LRRC8C: variants seen among roughly 807,000 people sequenced by gnomAD.
LRRC8C encodes volume-regulated anion channel subunit LRRC8C.
A neutral mutation model predicts 55.3 loss-of-function variants in LRRC8C; 20 were observed. The ratio of observed to expected loss-of-function variants is 0.36; its 90% CI spans 0.25 to 0.53. The LOEUF (loss-of-function observed/expected upper bound fraction) is 0.53, where lower values mean the gene tolerates loss of function less well. Among genes scored for constraint, LRRC8C ranks in the 20% least tolerant of loss-of-function variants. The pLI is 0.92. For missense variants in LRRC8C, 659 were observed against 951.4 expected (o/e 0.69, Z 4.04); for synonymous variants, 376 against 360.7 (o/e 1.04, Z -0.48).
At position 89,714,891 on chromosome 1, in the gene LRRC8C, G is replaced by T. The variant is rs1481358532; in HGVS notation, c.2321G>T (p.Cys774Phe). The stretch of plus-strand genomic sequence containing the variant: ...ATCCTCCCTCCTGAACTGGGTGACT[G>T]TCGGGCTCTGAAGCGAGCTGGTTTA... The part of the protein sequence containing the change: ...FEILPPELGD[C>F]RALKRAGLVV... The change falls in exon 3 of 3, where the codon TGT (cysteine) becomes TTT (phenylalanine). Residue 774 changes from cysteine to phenylalanine, a missense_variant. This residue lies in a region of LRRC8C where 344 missense variants were observed against 464.6 expected (regional missense o/e 0.74). Transcript: ENST00000370454. The surrounding 1 kb of genome is among the most constrained non-coding windows in gnomAD (Gnocchi z 4.6). The T allele has an allele frequency of 6.2e-7, 1 of 1,614,000 alleles. No individual in the cohort carries two copies.
At position 89,662,228 on chromosome 1, in the gene LRRC8C, C is replaced by T. The variant is rs140003014; in HGVS notation, c.-4-24242C>T. On this transcript the variant is annotated intron_variant, in intron 1 of 2. Coordinates refer to ENST00000370454, the MANE Select transcript of LRRC8C (RefSeq NM_032270.5). ...AATTTCTGTTGGGTCATATTCAAAGCCATCCTGGGCCACAAGTGGTCTGCA... is the reference window on the plus strand; with the variant it reads ...AATTTCTGTTGGGTCATATTCAAAGTCATCCTGGGCCACAAGTGGTCTGCA... Among the ~76,000 whole-genome samples the T allele has an allele frequency of 2.0e-5, 3 of 152,302 alleles. No homozygotes were observed. In the East Asian group the frequency reaches 5.8e-4, roughly 29 times the overall value.
Position 89,714,093 on chromosome 1 carries a change from C to G in LRRC8C, c.1523C>G (p.Pro508Arg), listed in dbSNP as rs140914343. 13 of 1,613,952 alleles carry G rather than the reference C, an allele frequency of 8.1e-6. No homozygotes were observed. Among genetic ancestry groups the G allele is most frequent in the Admixed American group, 3.3e-5 (2 of 59,984 alleles). The stretch of plus-strand genomic sequence containing the variant: ...TTTGATGACATGAGGGAACTCCCCC[C>G]CTGGATGTATGGGCTCCGAAATCTG... ...VKFDDMRELP[P>R]WMYGLRNLEE... Residue 508 changes from proline (P) to arginine (R), a missense_variant, in exon 3 of 3, where the codon CCC (proline) becomes CGC (arginine). Pro to Arg is a moderately radical substitution (Grantham distance 103, BLOSUM62 -2). Transcript: ENST00000370454. The surrounding 1 kb of genome is among the most constrained non-coding windows in gnomAD (Gnocchi z 4.6).
Position 89,714,000 on chromosome 1 carries a change from G to A in LRRC8C, c.1430G>A (p.Cys477Tyr). The change falls in exon 3 of 3, where the codon TGT becomes TAT. Residue 477 changes from cysteine to tyrosine, a missense_variant. Cys to Tyr is a radical substitution (Grantham distance 194). Transcript: ENST00000370454. The surrounding 1 kb of genome is among the most constrained non-coding windows in gnomAD (Gnocchi z 5.2). Reference protein sequence around the residue: ...DNLQELSLHQCSVKIHSAALS... With the variant: ...DNLQELSLHQYSVKIHSAALS... The stretch of plus-strand genomic sequence containing the variant: ...CTTCAAGAGCTCTCTCTGCACCAGT[G>A]TTCTGTCAAAATCCACAGTGCGGCG... The A allele has an allele frequency of 6.2e-7, 1 of 1,613,280 alleles. No individual in the cohort carries two copies. Among genetic ancestry groups the A allele is most frequent in the Non-Finnish European group, 8.5e-7 (1 of 1,180,010 alleles).
At chr1:89,619,024 T>G in the LRRC8C span, among the ~76,000 whole-genome samples, 1 of 152,354 alleles carries the variant, frequency 6.6e-6, no homozygotes, top group Admixed American at 6.5e-5. Flanking sequence ...ATCACAAATT[T>G]ATGAGGGATT....
the LRRC8C span, among the ~76,000 whole-genome samples, chr1:89,617,367 T>C: frequency 1.3e-5 from 2 of 152,222 alleles, no homozygotes; most frequent in Non-Finnish European, 2.9e-5. Context: ...CCTAAGCTAG[T>C]CAAAACTATG....
At chr1:89,655,135 T>C (rs1343209085) in intron 1 of LRRC8C, among the ~76,000 whole-genome samples, 2 of 152,168 alleles carry the variant, frequency 1.3e-5, no homozygotes, top group Non-Finnish European at 2.9e-5. Flanking sequence ...TATTCAAACA[T>C]TGAATCTGGT....
chr1:89,645,385 T>A, intron 1 of LRRC8C, among the ~76,000 whole-genome samples: 1 of 150,104 alleles, frequency 6.7e-6, no homozygotes, highest in African/African-American at 2.4e-5. Flanking sequence ...TGTGGGAAAA[T>A]GTCAAGATAA....
At chr1:89,706,591 T>A (rs1474333521) in intron 2 of LRRC8C, among the ~76,000 whole-genome samples, 1 of 152,154 alleles carries the variant, frequency 6.6e-6, no homozygotes, top group Non-Finnish European at 1.5e-5. Flanking sequence ...ACGTTGACCA[T>A]TCAAGGTATT....
At chr1:89,631,842 G>T (rs1446861329), upstream of LRRC8C, 1 of 152,214 alleles carries the variant, frequency 6.6e-6, no homozygotes, top group African/African-American at 2.4e-5. Context: ...TTTGCTGAGT[G>T]AGCAGGGGGA....
intron 1 of LRRC8C, among the ~76,000 whole-genome samples, chr1:89,666,209 AT>A (rs1657258400): frequency 6.6e-6 from 1 of 152,128 alleles, no homozygotes; most frequent in Non-Finnish European, 1.5e-5. Flanking sequence ...AAACATGTAC[AT>A]TCCCTTCTTG....
chr1:89,696,357 G>A (rs192568940), intron 2 of LRRC8C, among the ~76,000 whole-genome samples: 23 of 152,136 alleles, frequency 1.5e-4, no homozygotes, highest in Admixed American at 1.2e-3. Flanking sequence ...CAAAAAAAGT[G>A]GGGGTGTGGT....
At chr1:89,680,803 C>T (rs1011523315) in intron 1 of LRRC8C, among the ~76,000 whole-genome samples, 1 of 151,938 alleles carries the variant, frequency 6.6e-6, no homozygotes, top group Non-Finnish European at 1.5e-5. Flanking sequence ...TCAAGTGATC[C>T]ACCCACCTCG....
At chr1:89,647,845 T>C (rs1003803759) in intron 1 of LRRC8C, among the ~76,000 whole-genome samples, 1 of 152,164 alleles carries the variant, frequency 6.6e-6, no homozygotes, top group African/African-American at 2.4e-5. Context: ...GGAGGATCAC[T>C]TGAGCGCAGG....
chr1:89,651,442 CCTCTA>C (rs1269441737), intron 1 of LRRC8C, among the ~76,000 whole-genome samples: 3 of 151,202 alleles, frequency 2.0e-5, no homozygotes, highest in Non-Finnish European at 1.5e-5. Context: ...GTGGCGGGCG[CCTCTA>C]CTCCCAGCTA....
At chr1:89,669,839 A>G (rs555980660) in intron 1 of LRRC8C, among the ~76,000 whole-genome samples, 34 of 152,280 alleles carry the variant, frequency 2.2e-4, no homozygotes, top group African/African-American at 7.7e-4. Flanking sequence ...TTAATAACCA[A>G]TGACAGATCT....
chr1:89,643,554 C>T (rs1656528551), intron 1 of LRRC8C, among the ~76,000 whole-genome samples: 1 of 152,156 alleles, frequency 6.6e-6, no homozygotes, highest in Non-Finnish European at 1.5e-5. Flanking sequence ...GAGTTATATA[C>T]AAAAAGTTGT....
intron 1 of LRRC8C, among the ~76,000 whole-genome samples, chr1:89,658,002 G>A (rs1656998283): frequency 6.6e-6 from 1 of 152,082 alleles, no homozygotes; most frequent in Non-Finnish European, 1.5e-5. Context: ...GCTTGACTAT[G>A]ATTTGTTTTT....
At chr1:89,642,164 T>G (rs1656475214) in intron 1 of LRRC8C, among the ~76,000 whole-genome samples, 1 of 152,216 alleles carries the variant, frequency 6.6e-6, no homozygotes, top group Non-Finnish European at 1.5e-5. Context: ...CTAGTACTTG[T>G]AACTGTGGTA....
rs541775254 is a variant in LRRC8C at position 89,652,458 on chromosome 1, T to G, written c.-5+19136T>G. On this transcript the variant is annotated intron_variant, in intron 1 of 2. Coordinates refer to ENST00000370454, the MANE Select transcript of LRRC8C (RefSeq NM_032270.5). ...TTTTGAAGCTTCAAGTAATCAACCT[T>G]TTCACAAATTTGCATAGTGGCTGGG... Among the ~76,000 whole-genome samples the G allele has an allele frequency of 2.6e-5, 4 of 152,296 alleles. No individual in the cohort carries two copies. In the South Asian group the frequency reaches 8.3e-4, roughly 32 times the overall value.
Sources: gnomAD v4.1 joint callset for allele counts (sites outside exome capture counted in the v4.1 genomes callset) on GRCh38, gnomAD v4.1.1 for gene constraint, gnomAD v4.1.1 regional missense constraint, Gnocchi (gnomAD v3.1) non-coding constraint, MANE v1.5 for transcripts, NCBI Gene and HGNC (gene_info 2026-07-23, HGNC 2026-07-21) for gene names.